LRRTM3: variants seen among roughly 807,000 people sequenced by gnomAD.
LRRTM3 encodes leucine rich repeat transmembrane neuronal 3.
In LRRTM3, 24 loss-of-function variants were observed where a neutral mutation model predicts 44.7. The ratio of observed to expected loss-of-function variants is 0.54; its 90% CI spans 0.39 to 0.76. The LOEUF (loss-of-function observed/expected upper bound fraction) is 0.76. Among genes scored for constraint, LRRTM3 ranks in the 30% least tolerant of loss-of-function variants. LRRTM3 has a pLI of 0.00. For missense variants in LRRTM3, 587 were observed against 702.2 expected (o/e 0.84, Z 1.85); for synonymous variants, 277 against 278.7 (o/e 0.99, Z 0.06).
intron 2 of LRRTM3, among the ~76,000 whole-genome samples, chr10:66,957,382 GTATATATATA>G (rs1848847903): frequency 1.0e-4 from 4 of 38,332 alleles, no homozygotes; most frequent in South Asian, 1.4e-3. Flanking sequence ...ATATGTGTGT[GTATATATATA>G]CATATATATA....
intron 2 of LRRTM3, among the ~76,000 whole-genome samples, chr10:67,005,636 G>T (rs1257662536): frequency 7.5e-6 from 1 of 134,112 alleles, no homozygotes; most frequent in Non-Finnish European, 1.6e-5. Context: ...ATCTCTAAAT[G>T]TAACAAGCAA....
At chr10:67,094,491 A>T (rs1857846333) in intron 2 of LRRTM3, among the ~76,000 whole-genome samples, 1 of 151,846 alleles carries the variant, frequency 6.6e-6, no homozygotes, top group African/African-American at 2.4e-5. Context: ...AATTAAAAAG[A>T]AAATTACTGG....
At chr10:66,953,955 G>A (rs1848666797) in intron 2 of LRRTM3, among the ~76,000 whole-genome samples, 1 of 152,066 alleles carries the variant, frequency 6.6e-6, no homozygotes, top group African/African-American at 2.4e-5. Flanking sequence ...TCAAAAGGTT[G>A]TTAAGACTAT....
intron 2 of LRRTM3, among the ~76,000 whole-genome samples, chr10:66,968,529 CG>C: frequency 6.6e-6 from 1 of 151,652 alleles, no homozygotes; most frequent in East Asian, 1.9e-4. Flanking sequence ...TCTAAAAAAA[CG>C]TGGTTAGAAG....
intron 2 of LRRTM3, among the ~76,000 whole-genome samples, chr10:67,069,413 T>C (rs1047873288): frequency 1.3e-5 from 2 of 152,124 alleles, no homozygotes; most frequent in African/African-American, 4.8e-5. Flanking sequence ...AAAACGCTCA[T>C]TGTAATTAAC....
intron 2 of LRRTM3, among the ~76,000 whole-genome samples, chr10:66,999,677 T>C (rs937783608): frequency 1.3e-5 from 2 of 152,124 alleles, no homozygotes; most frequent in Admixed American, 6.6e-5. Context: ...GGCCTTAACT[T>C]AGATAGAAAG....
intron 2 of LRRTM3, among the ~76,000 whole-genome samples, chr10:67,009,577 A>T (rs1052661362): frequency 1.3e-5 from 2 of 151,518 alleles, no homozygotes; most frequent in African/African-American, 4.9e-5. Context: ...AATTTCCCTG[A>T]GCGAATGGGT....
intron 2 of LRRTM3, among the ~76,000 whole-genome samples, chr10:66,979,728 A>C (rs1283448031): frequency 1.3e-5 from 2 of 152,206 alleles, no homozygotes; most frequent in Non-Finnish European, 2.9e-5. Context: ...GTGCCCAATA[A>C]ATGTTAGCTA....
At chr10:67,088,461 A>G (rs530548163) in intron 2 of LRRTM3, among the ~76,000 whole-genome samples, 24 of 152,080 alleles carry the variant, frequency 1.6e-4, no homozygotes, top group South Asian at 4.1e-4. Context: ...CATCATTTAA[A>G]TAGTTAAGAT....
intron 2 of LRRTM3, among the ~76,000 whole-genome samples, chr10:67,005,485 G>GT (rs1350451274): frequency 2.0e-5 from 3 of 151,822 alleles, no homozygotes; most frequent in African/African-American, 7.3e-5. Flanking sequence ...TAGGCCATAG[G>GT]TTTTATATGG....
At position 66,938,820 on chromosome 10, in the gene LRRTM3, AAT is replaced by A. The variant is rs1353067752; in HGVS notation, c.1536+10369_1536+10370del. 2.6e-5 allele frequency among the ~76,000 whole-genome samples: 4 copies of A among 152,350 alleles called. No individual in the cohort carries two copies. In the South Asian group the frequency reaches 6.2e-4, roughly 24 times the overall value. On this transcript the variant is annotated intron_variant, in intron 2 of 2. Transcript: ENST00000361320. ...GTTAAAGGGAATAAGAGCTACAAAA[AAT>A]TGAGACAAAGAAATAATATTTAAGT...
At chr10:67,067,721 A>T (rs1856179188) in intron 2 of LRRTM3, among the ~76,000 whole-genome samples, 1 of 152,242 alleles carries the variant, frequency 6.6e-6, no homozygotes, top group Non-Finnish European at 1.5e-5. Flanking sequence ...ATTCAGACTA[A>T]GCTCAATTAT....
chr10:66,954,821 T>C (rs1171825665), intron 2 of LRRTM3, among the ~76,000 whole-genome samples: 1 of 152,170 alleles, frequency 6.6e-6, no homozygotes, highest in Non-Finnish European at 1.5e-5. Flanking sequence ...GGCTGATTAT[T>C]ATAGGCCTTG....
At chr10:67,048,937 T>A (rs1164403113) in intron 2 of LRRTM3, among the ~76,000 whole-genome samples, 2 of 152,038 alleles carry the variant, frequency 1.3e-5, no homozygotes, top group African/African-American at 4.8e-5. Flanking sequence ...CTTAATTTTA[T>A]ACTTAGTTAT....
At chr10:67,036,332 C>T (rs1854051497) in intron 2 of LRRTM3, among the ~76,000 whole-genome samples, 2 of 151,098 alleles carry the variant, frequency 1.3e-5, no homozygotes, top group Middle Eastern at 3.2e-3. Context: ...TGCAGTGGCG[C>T]GATCTCGGCT....
Position 66,933,511 on chromosome 10 carries a change from A to G in LRRTM3, c.1536+5059A>G, listed in dbSNP as rs141633031. Among the ~76,000 whole-genome samples the G allele has an allele frequency of 3.0e-3, 464 of 152,268 alleles. 10 individuals carry two copies. The East Asian group carries it at 0.053, about 17-fold the overall frequency. On this transcript the variant is annotated intron_variant, in intron 2 of 2. Transcript: ENST00000361320. The stretch of plus-strand genomic sequence containing the variant: ...TACACTGGATCAATATAATGTTTAT[A>G]TGGCAACATGACATCATTATTGAGC...
rs765405127 is a variant in LRRTM3, at chr10:67,079,191, T to G, written c.1537-18396T>G. 1.7e-3 allele frequency among the ~76,000 whole-genome samples: 261 copies of G among 152,324 alleles called. 2 individuals carry two copies. Among genetic ancestry groups the G allele is most frequent in the Non-Finnish European group, 4.1e-4 (28 of 68,022 alleles). ...GCTGGCTGTATTTTTTGTGTGGGGA[T>G]GTATGCAAGGTTAACTTATGAGCAC... On this transcript the variant is annotated intron_variant, in intron 2 of 2. Transcript: ENST00000361320.
At chr10:67,041,631 G>A (rs1854400951) in intron 2 of LRRTM3, among the ~76,000 whole-genome samples, 1 of 151,984 alleles carries the variant, frequency 6.6e-6, no homozygotes, top group Admixed American at 6.6e-5. Context: ...TCATGTTTTT[G>A]GCTACCTCAT....
intron 2 of LRRTM3, among the ~76,000 whole-genome samples, chr10:66,942,831 A>G (rs1848079660): frequency 6.6e-6 from 1 of 152,204 alleles, no homozygotes; most frequent in Admixed American, 6.5e-5. Flanking sequence ...AGAAAACACA[A>G]TATCAATATT....
Sources: allele counts gnomAD v4.1 joint callset (sites outside exome capture counted in the v4.1 genomes callset), GRCh38; gene constraint gnomAD v4.1.1; transcripts MANE v1.5; gene names NCBI Gene and HGNC (gene_info 2026-07-23, HGNC 2026-07-21).